The following IFFO1 variants were observed in gnomAD, a reference collection of about 807,000 sequenced individuals.
The protein encoded by IFFO1 is non-homologous end joining factor IFFO1.
In IFFO1, 42 loss-of-function variants were observed where a neutral mutation model predicts 59.6. That is an observed-to-expected ratio of 0.70 (90% CI 0.55 to 0.91). The LOEUF is 0.91. Ranked by LOEUF, IFFO1 falls within the 40% of genes least tolerant of loss-of-function variation. IFFO1 has a pLI of 0.00. For synonymous variants in IFFO1, 336 were observed against 342.8 expected (o/e 0.98, Z 0.22); for missense variants, 711 against 793.2 (o/e 0.90, Z 1.24).
chr12:6,554,331 C>CAGG (rs969671600), intron 1 of IFFO1, among the ~76,000 whole-genome samples: 2 of 152,204 alleles, frequency 1.3e-5, no homozygotes, highest in Non-Finnish European at 2.9e-5. Context: ...GCTCCCTCCT[C>CAGG]AAGGCTTGGG....
rs199708989 is a variant in IFFO1, at chr12:6,548,763, C to T, written c.1167G>A (p.Leu389=). 2.0e-5 allele frequency: 32 copies of T among 1,614,102 alleles called. No homozygotes were observed. The Admixed American group carries it at 2.2e-4, about 11-fold the overall frequency. The change falls in exon 6 of 10, where the codon CTG becomes CTA. Residue 389 remains leucine, a synonymous_variant. Coordinates refer to ENST00000619571, the MANE Select transcript of IFFO1 (RefSeq NM_001193457.2). The surrounding 1 kb of genome is among the most constrained non-coding windows in gnomAD (Gnocchi z 6.1). Reference sequence around the variant, plus strand: ...GCTGGCGGGGCCCCTCACTCTCCGACAGGGAGGTGTCCTCCTCGACGGCAG... The same window carrying T: ...GCTGGCGGGGCCCCTCACTCTCCGATAGGGAGGTGTCCTCCTCGACGGCAG... ...RKAAVEEDTS[L]SESEGPRQPD... is the part of the protein sequence containing the mutation.
At position 6,541,794 on chromosome 12, in the gene IFFO1, A is replaced by G. The variant is rs144482060; in HGVS notation, c.1480-152T>C. 234 of 872,322 alleles carry G rather than the reference A, an allele frequency of 2.7e-4. 2 individuals carry two copies. In the African/African-American group the frequency reaches 3.3e-3, roughly 12 times the overall value. 54.0% of individuals were successfully genotyped at this position (872,322 alleles called of 1,614,324 possible). ...AGGCTCAGATTTTAAAATAAACCAG[A>G]CCAAGGCAGAAGGCAGCGAATACAC... On this transcript the variant is annotated intron_variant, in intron 8 of 9. Transcript: ENST00000619571. This position sits in a 1 kb window ranked among gnomAD's most constrained non-coding sequence, Gnocchi z 4.8.
In IFFO1 at chr12:6,548,614, G is replaced by A; in HGVS notation, c.1262+54C>T. The A allele has an allele frequency of 1.2e-6, 2 of 1,613,622 alleles. No individual in the cohort carries two copies. Among genetic ancestry groups the A allele is most frequent in the South Asian group, 1.1e-5 (1 of 91,050 alleles). On this transcript the variant is annotated intron_variant, in intron 6 of 9. Coordinates refer to ENST00000619571, the MANE Select transcript of IFFO1 (RefSeq NM_001193457.2). This position sits in a 1 kb window ranked among gnomAD's most constrained non-coding sequence, Gnocchi z 6.1. ...CCTGGCGGGGGACTGGGGAGCTCCG[G>A]CCTCCTGGGCTGCTGTGGCGTCGGT...
At position 6,548,043 on chromosome 12, in the gene IFFO1, T is replaced by C. The variant is rs774461282; in HGVS notation, c.1479+22A>G. 1.3e-6 allele frequency: 2 copies of C among 1,590,628 alleles called. No individual in the cohort carries two copies. Among genetic ancestry groups the C allele is most frequent in the South Asian group, 1.1e-5 (1 of 90,566 alleles). Reference sequence around the variant, plus strand: ...AAAACCCTCTGGGACACCACGCCCCTGGCTTCCGCTCCTGCCCTTACCTCT... The same window carrying C: ...AAAACCCTCTGGGACACCACGCCCCCGGCTTCCGCTCCTGCCCTTACCTCT... On this transcript the variant is annotated intron_variant, in intron 8 of 9. Coordinates refer to ENST00000619571, the MANE Select transcript of IFFO1 (RefSeq NM_001193457.2). This position sits in a 1 kb window ranked among gnomAD's most constrained non-coding sequence, Gnocchi z 6.1.
rs1946735224 is a variant in IFFO1, at chr12:6,541,874, A to C, written c.1480-232T>G. 6.6e-6 allele frequency among the ~76,000 whole-genome samples: 1 copy of C among 152,202 alleles called. No individual in the cohort carries two copies. The highest frequency in any genetic ancestry group is 2.4e-5 in the African/African-American group (1 of 41,446). On this transcript the variant is annotated intron_variant, in intron 8 of 9. Coordinates refer to ENST00000619571, the MANE Select transcript of IFFO1 (RefSeq NM_001193457.2). This position sits in a 1 kb window ranked among gnomAD's most constrained non-coding sequence, Gnocchi z 4.8. Reference sequence around the variant, plus strand: ...TTTGCCTATGGAGGAATGCAAAGGTACTGCTGCAGGCTGTGTTCTTTTAAG... The same window carrying C: ...TTTGCCTATGGAGGAATGCAAAGGTCCTGCTGCAGGCTGTGTTCTTTTAAG...
intron 8 of IFFO1, among the ~76,000 whole-genome samples, chr12:6,547,412 G>C (rs113907465): frequency 6.6e-6 from 1 of 151,902 alleles, no homozygotes; most frequent in African/African-American, 2.4e-5. Flanking sequence ...AAGAAAGAAA[G>C]AAAGAAAAAG....
intron 8 of IFFO1, among the ~76,000 whole-genome samples, chr12:6,545,193 C>T (rs888112064): frequency 6.0e-5 from 9 of 150,760 alleles, no homozygotes; most frequent in African/African-American, 9.7e-5. Flanking sequence ...CCAGCCTGGG[C>T]GACACAGCGA....
Position 6,549,844 on chromosome 12 carries a change from A to AT in IFFO1, c.982dup (p.Met328AsnfsTer41). On this transcript the variant is annotated frameshift_variant, in exon 4 of 10. Coordinates refer to ENST00000619571, the MANE Select transcript of IFFO1 (RefSeq NM_001193457.2). LOFTEE classifies it high-confidence loss of function. The surrounding 1 kb of genome is among the most constrained non-coding windows in gnomAD (Gnocchi z 5.0). ...GATGTCGATGCGGCGGCAGATGTCCATATCCACCTTCATGGCTTTCTCCTG... is the reference window on the plus strand; with the variant it reads ...GATGTCGATGCGGCGGCAGATGTCCATTATCCACCTTCATGGCTTTCTCCTG... 1.2e-6 allele frequency: 2 copies of AT among 1,614,202 alleles called. No homozygotes were observed. Among genetic ancestry groups the AT allele is most frequent in the Non-Finnish European group, 1.7e-6 (2 of 1,180,016 alleles).
rs148338659 is a variant in IFFO1, at chr12:6,549,857, T to C, written c.970A>G (p.Met324Val). ...CGGCAGATGTCCATATCCACCTTCA[T>C]GGCTTTCTCCTGGATCTTGGTGTCC... Reference protein sequence around the residue: ...ELDTKIQEKAMKVDMDICRRI... With the variant: ...ELDTKIQEKAVKVDMDICRRI... The change falls in exon 4 of 10, where the codon ATG (methionine) becomes GTG (valine). Residue 324 changes from methionine to valine, a missense_variant. Physicochemically the swap from Met to Val is conservative, Grantham distance 21. Around this residue, in one of 3 missense-constraint regions of IFFO1, gnomAD observed 579 missense variants for 650.3 expected, o/e 0.89. Coordinates refer to ENST00000619571, the MANE Select transcript of IFFO1 (RefSeq NM_001193457.2). This position sits in a 1 kb window ranked among gnomAD's most constrained non-coding sequence, Gnocchi z 5.0. 1.9e-6 allele frequency: 3 copies of C among 1,614,066 alleles called. No individual in the cohort carries two copies. In the African/African-American group the frequency reaches 4.0e-5, roughly 22 times the overall value.
At chr12:6,544,939 GC>G (rs1322921141) in intron 8 of IFFO1, 2 of 152,282 alleles carry the variant, frequency 1.3e-5, no homozygotes, top group African/African-American at 4.8e-5. Flanking sequence ...TCAAGGCCGG[GC>G]GCGGTGGCTC....
Position 6,555,505 on chromosome 12 carries a change from C to G in IFFO1, c.525G>C (p.Ser175=), listed in dbSNP as rs552750505. The part of the protein sequence containing the change: ...GPLAPSAASL[S]SSSTSTSTTY... Reference sequence around the variant, plus strand: ...TGGTGGAGGTGGAGGTGGAGGACGACGAGAGGCTGGCCGCGGAGGGCGCGA... The same window carrying G: ...TGGTGGAGGTGGAGGTGGAGGACGAGGAGAGGCTGGCCGCGGAGGGCGCGA... The change falls in exon 1 of 10, where the codon TCG becomes TCC. Residue 175 remains serine (S), a synonymous_variant. Coordinates refer to ENST00000619571, the MANE Select transcript of IFFO1 (RefSeq NM_001193457.2). The surrounding 1 kb of genome is among the most constrained non-coding windows in gnomAD (Gnocchi z 8.6). The G allele has an allele frequency of 1.9e-6, 3 of 1,595,142 alleles. No homozygotes were observed. Among genetic ancestry groups the G allele is most frequent in the Middle Eastern group, 1.7e-4 (1 of 5,780 alleles).
chr12:6,543,013 G>A (rs563342297), intron 8 of IFFO1, among the ~76,000 whole-genome samples: 27 of 152,334 alleles, frequency 1.8e-4, no homozygotes, highest in African/African-American at 5.8e-4. Context: ...AGGTGAACGT[G>A]CATGTCAGGA....
chr12:6,544,280 C>G (rs1423868606), intron 8 of IFFO1, among the ~76,000 whole-genome samples: 3 of 151,932 alleles, frequency 2.0e-5, no homozygotes, highest in Non-Finnish European at 4.4e-5. Context: ...AATTCTCCTG[C>G]CTCAGCCTCC....
Position 6,540,491 on chromosome 12 carries a change from T to C in IFFO1, c.1708A>G (p.Met570Val). 3 of 1,613,896 alleles carry C rather than the reference T, an allele frequency of 1.9e-6. No homozygotes were observed. Among genetic ancestry groups the C allele is most frequent in the South Asian group, 1.1e-5 (1 of 91,084 alleles). ...SDRDVSSDSSMR is the reference protein window; with the variant it reads ...SDRDVSSDSSVR ...AAGGGGGAGGCAGGTCTCTATCTCATGGAGCTGTCAGATGAGACATCGCGA... is the reference window on the plus strand; with the variant it reads ...AAGGGGGAGGCAGGTCTCTATCTCACGGAGCTGTCAGATGAGACATCGCGA... The change falls in exon 10 of 10, where the codon ATG (methionine) becomes GTG (valine). Residue 570 changes from methionine to valine, a missense_variant. By Grantham distance (21) the Met-to-Val change is conservative (BLOSUM62 1). Around this residue, in one of 3 missense-constraint regions of IFFO1, gnomAD observed 579 missense variants for 650.3 expected, o/e 0.89. Transcript: ENST00000619571.
In IFFO1 at chr12:6,549,085, G is replaced by A; in HGVS notation, c.1081-236C>T. 3.5e-6 allele frequency: 2 copies of A among 577,640 alleles called. No homozygotes were observed. Among genetic ancestry groups the A allele is most frequent in the East Asian group, 2.9e-5 (1 of 34,716 alleles). The allele number at this position is 577,640 out of a possible 1,614,324, so 35.8% of individuals were successfully genotyped here. A position where few individuals can be genotyped will look rare whatever the true frequency, so the allele number is the denominator to read the frequency against. ...CAAGAAGAAATCGAGAAGAAGAGCA[G>A]TCAGACAAGGAAGGAAGGGCTCGCT... is the stretch of plus-strand genomic sequence containing the variant. On this transcript the variant is annotated intron_variant, in intron 5 of 9. Transcript: ENST00000619571. The surrounding 1 kb of genome is among the most constrained non-coding windows in gnomAD (Gnocchi z 5.0).
At position 6,541,708 on chromosome 12, in the gene IFFO1, G is replaced by A. The variant is rs1157298439; in HGVS notation, c.1480-66C>T. Reference sequence around the variant, plus strand: ...CGTTCACAGCGCCTCTGTTGCCCCCGCCAGGAGGCCAACACGCCAAGAGCA... The same window carrying A: ...CGTTCACAGCGCCTCTGTTGCCCCCACCAGGAGGCCAACACGCCAAGAGCA... On this transcript the variant is annotated intron_variant, in intron 8 of 9. Transcript: ENST00000619571. The surrounding 1 kb of genome is among the most constrained non-coding windows in gnomAD (Gnocchi z 4.8). 1.9e-5 allele frequency: 30 copies of A among 1,596,240 alleles called. No homozygotes were observed. The highest frequency in any genetic ancestry group is 4.5e-5 in the East Asian group (2 of 44,744).
At chr12:6,543,782 A>G (rs1462687806) in intron 8 of IFFO1, 1 of 152,144 alleles carries the variant, frequency 6.6e-6, no homozygotes, top group Non-Finnish European at 1.5e-5. Flanking sequence ...CTTGACCAAC[A>G]TGGAGAAACC....
chr12:6,552,448 C>G (rs529407521), intron 1 of IFFO1, among the ~76,000 whole-genome samples: 1 of 152,196 alleles, frequency 6.6e-6, no homozygotes, highest in Non-Finnish European at 1.5e-5. Context: ...CTGGCATTCT[C>G]ATGCATACAG....
chr12:6,551,149 C>T, intron 1 of IFFO1, 148 bp from the exon 2 acceptor site: 1 of 791,618 alleles, frequency 1.3e-6, no homozygotes, highest in Non-Finnish European at 2.0e-6. Context: ...AATGCCTGGC[C>T]AGCCAGCTGG....
Sources: allele counts gnomAD v4.1 joint callset (sites outside exome capture counted in the v4.1 genomes callset), GRCh38; gene constraint gnomAD v4.1.1; regional missense constraint gnomAD v4.1.1; non-coding constraint Gnocchi (gnomAD v3.1); transcripts MANE v1.5; gene names NCBI Gene and HGNC (gene_info 2026-07-23, HGNC 2026-07-21).